Variants in CERS3 observed in about 807,000 individuals in gnomAD.
The protein encoded by CERS3 is ceramide synthase 3.
In CERS3, 33 loss-of-function variants were observed where a neutral mutation model predicts 50.3. The ratio of observed to expected loss-of-function variants is 0.66; its 90% confidence interval spans 0.50 to 0.88. CERS3 has a LOEUF of 0.88. Ranked by LOEUF, CERS3 falls within the 40% of genes least tolerant of loss-of-function variation. CERS3 has a pLI of 0.00. For synonymous variants in CERS3, 176 were observed against 155.2 expected, an observed-to-expected ratio of 1.13 and a Z score of -0.99; for missense variants, 470 against 460.3, an observed-to-expected ratio of 1.02 and a Z score of -0.19.
At chr15:100,503,848 T>C (rs182818541) in intron 2 of CERS3, 2 of 432,724 alleles carry the variant, frequency 4.6e-6, no homozygotes, top group African/African-American at 4.1e-5. Context: ...AATAACGCCA[T>C]CTGTGGGATG....
chr15:100,426,979 C>T (rs967858910), intron 11 of CERS3, among the ~76,000 whole-genome samples: 5 of 152,206 alleles, frequency 3.3e-5, no homozygotes, highest in Non-Finnish European at 7.3e-5. Context: ...TTCAGCTCTC[C>T]AAATGCTGTC....
chr15:100,409,666 A>G (rs771399746), intron 11 of CERS3, among the ~76,000 whole-genome samples: 14 of 152,220 alleles, frequency 9.2e-5, no homozygotes, highest in Non-Finnish European at 1.8e-4. Flanking sequence ...TCGCAAAATC[A>G]GCGTGAGTCC....
chr15:100,482,175 T>A (rs1345997311), intron 5 of CERS3, among the ~76,000 whole-genome samples: 1 of 152,236 alleles, frequency 6.6e-6, no homozygotes, highest in Non-Finnish European at 1.5e-5. Context: ...CTTGTCAATG[T>A]CATTTCACTA....
At chr15:100,452,602 AAAGC>A (rs2034212980) in intron 11 of CERS3, among the ~76,000 whole-genome samples, 1 of 152,154 alleles carries the variant, frequency 6.6e-6, no homozygotes, top group African/African-American at 2.4e-5. Flanking sequence ...ATGAACTAGG[AAAGC>A]AAGAATAAAC....
At chr15:100,403,565 C>T (rs2030729081) in intron 11 of CERS3, among the ~76,000 whole-genome samples, 1 of 152,128 alleles carries the variant, frequency 6.6e-6, no homozygotes, top group Non-Finnish European at 1.5e-5. Flanking sequence ...GAAGACATGA[C>T]TATAGATACT....
At chr15:100,477,373 A>G (rs976629430) in intron 7 of CERS3, among the ~76,000 whole-genome samples, 8 of 152,142 alleles carry the variant, frequency 5.3e-5, no homozygotes, top group Non-Finnish European at 2.9e-5. Context: ...TGATAAGGCC[A>G]TAAAAGAGTG....
At chr15:100,430,531 G>A (rs553464155) in intron 11 of CERS3, among the ~76,000 whole-genome samples, 87 of 152,308 alleles carry the variant, frequency 5.7e-4, no homozygotes, top group African/African-American at 2.1e-3. Context: ...ACTAAATGCT[G>A]TGCTTGGGAA....
chr15:100,506,960 A>T (rs536456073), intron 2 of CERS3, among the ~76,000 whole-genome samples: 13 of 152,320 alleles, frequency 8.5e-5, no homozygotes, highest in African/African-American at 3.1e-4. Flanking sequence ...CTCCAAAAAA[A>T]TAAAAAAGTT....
intron 10 of CERS3, among the ~76,000 whole-genome samples, chr15:100,465,143 T>C (rs2034671856): frequency 6.6e-6 from 1 of 152,178 alleles, no homozygotes; most frequent in Non-Finnish European, 1.5e-5. Context: ...CCACAGGATG[T>C]GCAACAAAAG....
At chr15:100,510,432 C>CA (rs1043362746) in intron 2 of CERS3, among the ~76,000 whole-genome samples, 56 of 150,534 alleles carry the variant, frequency 3.7e-4, no homozygotes, top group Admixed American at 9.3e-4. Context: ...AATAGAGTTT[C>CA]AAAAAAAAAG....
At chr15:100,523,018 T>C (rs1039675559) in intron 1 of CERS3, among the ~76,000 whole-genome samples, 7 of 152,248 alleles carry the variant, frequency 4.6e-5, no homozygotes, top group African/African-American at 1.4e-4. Flanking sequence ...AATTTTCACC[T>C]TTCTGGTGGG....
At chr15:100,494,779 A>G (rs1306363822) in intron 3 of CERS3, among the ~76,000 whole-genome samples, 1 of 152,220 alleles carries the variant, frequency 6.6e-6, no homozygotes, top group Non-Finnish European at 1.5e-5. Flanking sequence ...CAGAGCCTAA[A>G]GGTCATTCAG....
intron 11 of CERS3, among the ~76,000 whole-genome samples, chr15:100,423,703 T>C (rs773530663): frequency 5.3e-5 from 8 of 152,108 alleles, no homozygotes; most frequent in Non-Finnish European, 8.8e-5. Context: ...CCCAGCAACA[T>C]GCAATTTACC....
rs890427093 is a variant in CERS3 at position 100,417,695 on chromosome 15, A to G, written c.1000-14830T>C. On this transcript the variant is annotated intron_variant, in intron 11 of 11. Coordinates refer to ENST00000679737, the MANE Select transcript of CERS3 (RefSeq NM_001378789.1). Reference sequence around the variant, plus strand: ...TAAATGTCCCTGTCTGACAGCTTTGAAGAGAGCAGTGGTTCTCCCAGCACG... The same window carrying G: ...TAAATGTCCCTGTCTGACAGCTTTGGAGAGAGCAGTGGTTCTCCCAGCACG... 1.6e-3 allele frequency among the ~76,000 whole-genome samples: 241 copies of G among 152,064 alleles called. 2 individuals are homozygous for G. Among genetic ancestry groups the G allele is most frequent in the Admixed American group, 5.0e-3 (77 of 15,284 alleles).
At chr15:100,484,993 G>C (rs2035444391) in intron 4 of CERS3, among the ~76,000 whole-genome samples, 1 of 152,178 alleles carries the variant, frequency 6.6e-6, no homozygotes, top group Non-Finnish European at 1.5e-5. Context: ...CCAGGCGCCA[G>C]GTAGAGTAGC....
chr15:100,527,378 C>G (rs1247045298), intron 1 of CERS3, among the ~76,000 whole-genome samples: 1 of 152,146 alleles, frequency 6.6e-6, no homozygotes, highest in Non-Finnish European at 1.5e-5. Flanking sequence ...TTTGATCTGT[C>G]TTTCTAGTCA....
intron 10 of CERS3, among the ~76,000 whole-genome samples, chr15:100,465,807 C>T (rs149394128): frequency 0.017 from 2,512 of 152,090 alleles, 31 homozygotes; most frequent in East Asian, 0.034. Context: ...TACTGGCACT[C>T]GCCATCACAC....
chr15:100,475,306 C>G (rs2035091318), intron 8 of CERS3, among the ~76,000 whole-genome samples: 1 of 152,186 alleles, frequency 6.6e-6, no homozygotes, highest in Admixed American at 6.5e-5. Flanking sequence ...GCCACCATCA[C>G]TCAACACAAA....
intron 1 of CERS3, among the ~76,000 whole-genome samples, chr15:100,526,483 T>TGTGTGTGTGTGTGTGTGTGG (rs2036796510): frequency 6.6e-6 from 1 of 151,006 alleles, no homozygotes; most frequent in African/African-American, 2.4e-5. Context: ...ATAAACTGTG[T>TGTGTGTGTGTGTGTGTGTGG]GTGTGTGTGT....
Sources: gnomAD v4.1 joint callset for allele counts (sites outside exome capture counted in the v4.1 genomes callset) on GRCh38, gnomAD v4.1.1 for gene constraint, MANE v1.5 for transcripts, NCBI Gene and HGNC (gene_info 2026-07-23, HGNC 2026-07-21) for gene names.